The following ADD2 variants were observed in gnomAD, a reference collection of about 807,000 sequenced individuals.
The protein encoded by ADD2 is beta-adducin.
In ADD2, 23 loss-of-function variants were observed where a neutral mutation model predicts 83.0. The observed-to-expected ratio is 0.28, with a 90% confidence interval of 0.20 to 0.39. The LOEUF is 0.39. Ranked by LOEUF, ADD2 falls within the 10% of genes least tolerant of loss-of-function variation. The pLI is 1.00. For synonymous variants in ADD2, 375 were observed against 375.4 expected, an observed-to-expected ratio of 1.00 and a Z score of 0.01; for missense variants, 758 against 944.9, an observed-to-expected ratio of 0.80 and a Z score of 2.59.
intron 15 of ADD2, among the ~76,000 whole-genome samples, chr2:70,664,724 T>A (rs1481708943): frequency 1.3e-5 from 2 of 150,170 alleles, no homozygotes; most frequent in Non-Finnish European, 3.0e-5. Context: ...TGTACAAGTG[T>A]GTGTGAGTGT....
chr2:70,742,382 G>C (rs1423112780), intron 1 of ADD2, among the ~76,000 whole-genome samples: 1 of 152,068 alleles, frequency 6.6e-6, no homozygotes, highest in African/African-American at 2.4e-5. Flanking sequence ...CATCTGCTTG[G>C]AATCAGCTCT....
chr2:70,741,748 C>G (rs1011422323), intron 1 of ADD2, among the ~76,000 whole-genome samples: 2 of 152,210 alleles, frequency 1.3e-5, no homozygotes, highest in Non-Finnish European at 2.9e-5. Context: ...CACACACACA[C>G]TGAAACTCAA....
chr2:70,673,471 T>C (rs1574222048), intron 14 of ADD2: 2 of 637,246 alleles, frequency 3.1e-6, no homozygotes, highest in South Asian at 1.9e-5. Context: ...CATGTAACTA[T>C]TGTTTAATTC....
chr2:70,688,897 G>C (rs1490366004), intron 8 of ADD2, among the ~76,000 whole-genome samples: 3 of 152,114 alleles, frequency 2.0e-5, no homozygotes, highest in Non-Finnish European at 4.4e-5. Flanking sequence ...AGGAGTTCGA[G>C]ACCAGCCTGG....
chr2:70,761,671 C>G (rs1675105520), intron 1 of ADD2, among the ~76,000 whole-genome samples: 1 of 146,036 alleles, frequency 6.8e-6, no homozygotes, highest in Non-Finnish European at 1.5e-5. Flanking sequence ...AACAAATAGA[C>G]ACAACTTTTT....
intron 4 of ADD2, among the ~76,000 whole-genome samples, chr2:70,702,455 T>C (rs530177225): frequency 2.0e-5 from 3 of 152,324 alleles, no homozygotes; most frequent in South Asian, 4.1e-4. Context: ...GCATGAACCA[T>C]TGTGCCTGGC....
At chr2:70,735,783 G>A (rs147276087) in intron 1 of ADD2, among the ~76,000 whole-genome samples, 3,000 of 148,120 alleles carry the variant, frequency 0.02, 51 homozygotes, top group African/African-American at 0.04. Context: ...GTGCAGTGGC[G>A]TGATCTTGGC....
rs1675460118 is a variant in ADD2 at position 70,659,183 on chromosome 2, G to GA, written c.*4241dup. On this transcript the variant is annotated 3_prime_UTR_variant, in exon 16 of 16. Transcript: ENST00000264436. ...AAAAAAAAAAAAAAAGAAAGAAAAA[G>GA]AAAAAACATGTCATGCAGACCTATG... 2.5e-5 allele frequency: 3 copies of GA among 122,320 alleles called. No homozygotes were observed. Among genetic ancestry groups the GA allele is most frequent in the South Asian group, 2.8e-4 (1 of 3,604 alleles). The allele number at this position is 122,320 out of a possible 1,614,324, so 7.6% of individuals were successfully genotyped here.
chr2:70,710,835 G>A (rs1482408488), intron 2 of ADD2, among the ~76,000 whole-genome samples: 1 of 152,194 alleles, frequency 6.6e-6, no homozygotes, highest in African/African-American at 2.4e-5. Flanking sequence ...TGTATGTGGA[G>A]TATTTAAAAC....
chr2:70,692,860 C>G (rs1168891063), intron 6 of ADD2, among the ~76,000 whole-genome samples: 1 of 152,132 alleles, frequency 6.6e-6, no homozygotes, highest in Non-Finnish European at 1.5e-5. Context: ...CTGAGGGGGC[C>G]CTGAGAGCCT....
chr2:70,754,155 T>G (rs1198876318), intron 1 of ADD2, among the ~76,000 whole-genome samples: 1 of 152,182 alleles, frequency 6.6e-6, no homozygotes, highest in Non-Finnish European at 1.5e-5. Flanking sequence ...CTGAGACAAG[T>G]GCTTTGGTAA....
intron 4 of ADD2, among the ~76,000 whole-genome samples, chr2:70,700,506 T>C (rs1249632216): frequency 1.3e-5 from 2 of 152,114 alleles, no homozygotes; most frequent in African/African-American, 2.4e-5. Flanking sequence ...GAATTCAGTA[T>C]AAAAATAAAT....
chr2:70,712,452 T>TAAAAAAAAAA, intron 2 of ADD2, among the ~76,000 whole-genome samples: 1 of 128,334 alleles, frequency 7.8e-6, no homozygotes, highest in Non-Finnish European at 1.7e-5. Flanking sequence ...TCAAAAAAAA[T>TAAAAAAAAAA]AAATAAATAA....
chr2:70,706,106 G>T lies in ADD2; in HGVS notation c.183+120C>A. On this transcript the variant is annotated intron_variant, in intron 3 of 15. Coordinates refer to ENST00000264436, the MANE Select transcript of ADD2 (RefSeq NM_001617.4). The surrounding 1 kb of genome is among the most constrained non-coding windows in gnomAD (Gnocchi z 5.0). The stretch of plus-strand genomic sequence containing the variant: ...TGACCAGATCCGTCTTGCTCAGTGG[G>T]CTTACATTTCTACTGACCCTGAGCA... 9.5e-7 allele frequency: 1 copy of T among 1,056,762 alleles called. No individual in the cohort carries two copies. The highest frequency in any genetic ancestry group is 1.4e-6 in the Non-Finnish European group (1 of 731,396). The allele number at this position is 1,056,762 out of a possible 1,614,324, so 65.5% of individuals were successfully genotyped here.
rs782249007 is a variant in ADD2 at position 70,706,315 on chromosome 2, T to G, written c.94A>C (p.Met32Leu). ...TCCGCCGCCCGGTTGCGAAGGCGCATGTACTCGGGGTCGTCCTCTGAGAAG... is the reference window on the plus strand; with the variant it reads ...TCCGCCGCCCGGTTGCGAAGGCGCAGGTACTCGGGGTCGTCCTCTGAGAAG... ...DRFSEDDPEY[M>L]RLRNRAADLR... Residue 32 changes from methionine to leucine, a missense_variant, in exon 3 of 16, where the codon ATG (methionine) becomes CTG (leucine). By Grantham distance (15) the Met-to-Leu change is conservative. Around this residue, in one of 5 missense-constraint regions of ADD2, gnomAD observed 175 missense variants for 192.1 expected, o/e 0.91. Coordinates refer to ENST00000264436, the MANE Select transcript of ADD2 (RefSeq NM_001617.4). The surrounding 1 kb of genome is among the most constrained non-coding windows in gnomAD (Gnocchi z 5.0). 6 of 1,613,982 alleles carry G rather than the reference T, an allele frequency of 3.7e-6. No individual in the cohort carries two copies. The highest frequency in any genetic ancestry group is 5.1e-6 in the Non-Finnish European group (6 of 1,180,026).
intron 6 of ADD2, among the ~76,000 whole-genome samples, chr2:70,693,794 T>A (rs1457265862): frequency 6.6e-6 from 1 of 152,182 alleles, no homozygotes; most frequent in Non-Finnish European, 1.5e-5. Context: ...CTCTCTCTGA[T>A]CTTACATATT....
intron 10 of ADD2, among the ~76,000 whole-genome samples, chr2:70,679,809 T>C (rs1441966363): frequency 6.6e-6 from 1 of 152,226 alleles, no homozygotes; most frequent in Non-Finnish European, 1.5e-5. Flanking sequence ...CATATATGTT[T>C]GATACTAGTA....
intron 10 of ADD2, among the ~76,000 whole-genome samples, chr2:70,683,199 A>AT (rs200641247): frequency 0.066 from 9,958 of 149,976 alleles, 547 homozygotes; most frequent in African/African-American, 0.15. Flanking sequence ...AATTTTTTGT[A>AT]TTTTTTTTTA....
chr2:70,738,540 A>T (rs2104491254), intron 1 of ADD2, among the ~76,000 whole-genome samples: 1 of 152,290 alleles, frequency 6.6e-6, no homozygotes, highest in South Asian at 2.1e-4. Flanking sequence ...CAGAAAAGTG[A>T]GCAACCTTCC....
Sources: gnomAD v4.1 joint callset for allele counts (sites outside exome capture counted in the v4.1 genomes callset) on GRCh38, gnomAD v4.1.1 for gene constraint, gnomAD v4.1.1 regional missense constraint, Gnocchi (gnomAD v3.1) non-coding constraint, MANE v1.5 for transcripts, NCBI Gene and HGNC (gene_info 2026-07-23, HGNC 2026-07-21) for gene names.